ELL: variants seen among roughly 807,000 people sequenced by gnomAD.
ELL encodes RNA polymerase II elongation factor ELL.
In ELL, 18 loss-of-function variants were observed where a neutral mutation model predicts 64.0. The observed-to-expected ratio is 0.28, with a 90% CI of 0.19 to 0.42. The LOEUF is 0.42. Ranked by LOEUF, ELL falls within the 10% of genes least tolerant of loss-of-function variation. The pLI is 1.00. For synonymous variants in ELL, 399 were observed against 376.2 expected (o/e 1.06, Z -0.70); for missense variants, 797 against 870.4 (o/e 0.92, Z 1.06).
At chr19:18,453,790 C>G (rs1974592594) in intron 6 of ELL, among the ~76,000 whole-genome samples, 2 of 152,118 alleles carry the variant, frequency 1.3e-5, no homozygotes, top group Non-Finnish European at 2.9e-5. Context: ...AACTTGAGCC[C>G]AGGCTTGGGC....
At chr19:18,506,265 C>A (rs1053596474) in intron 1 of ELL, among the ~76,000 whole-genome samples, 7 of 152,230 alleles carry the variant, frequency 4.6e-5, no homozygotes, top group Non-Finnish European at 8.8e-5. Context: ...GTCTCCCGCA[C>A]CCTCCAGCGA....
intron 1 of ELL, among the ~76,000 whole-genome samples, chr19:18,506,589 G>A (rs1439260569): frequency 6.6e-6 from 1 of 152,178 alleles, no homozygotes; most frequent in African/African-American, 2.4e-5. Flanking sequence ...GCCAGGTGTG[G>A]TGCCACGCAC....
At chr19:18,485,181 A>C (rs1975383194) in intron 1 of ELL, among the ~76,000 whole-genome samples, 1 of 152,058 alleles carries the variant, frequency 6.6e-6, no homozygotes, top group Non-Finnish European at 1.5e-5. Flanking sequence ...CCCAAACCCC[A>C]TTCACCTCCA....
chr19:18,472,851 A>T lies in ELL; in HGVS notation c.167T>A (p.Phe56Tyr). 1 of 1,606,594 alleles carries T rather than the reference A, an allele frequency of 6.2e-7. No individual in the cohort carries two copies. ...AAAACTTACCCCTTGGCTTCCTTGA[A>T]ATCGGATAGATGGCCTCAGTGAAAC... is the stretch of plus-strand genomic sequence containing the variant. ...DSVSLRPSIR[F>Y]QGSQGHISIP... The change falls in exon 2 of 12, where the codon TTT (phenylalanine) becomes TAT (tyrosine). Residue 56 changes from phenylalanine (F) to tyrosine (Y), a missense_variant. Phe to Tyr is a conservative substitution (Grantham distance 22). Coordinates refer to ENST00000262809, the MANE Select transcript of ELL (RefSeq NM_006532.4).
intron 6 of ELL, among the ~76,000 whole-genome samples, chr19:18,457,147 C>G (rs1319723314): frequency 6.6e-6 from 1 of 152,198 alleles, no homozygotes; most frequent in Non-Finnish European, 1.5e-5. Context: ...CAAGCTCACT[C>G]AGCAGACGGA....
chr19:18,510,753 C>T (rs921392319), intron 1 of ELL, among the ~76,000 whole-genome samples: 53 of 152,190 alleles, frequency 3.5e-4, no homozygotes, highest in Non-Finnish European at 1.9e-4. Flanking sequence ...CCCTTGTGCA[C>T]GGCTGGTGGG....
intron 11 of ELL, 98 bp downstream of exon 11, chr19:18,445,126 C>T: frequency 1.3e-6 from 2 of 1,532,980 alleles, no homozygotes; most frequent in African/African-American, 1.4e-5. Context: ...TCCCCCACAC[C>T]TTGGAAGTAG....
chr19:18,449,397 C>A lies in ELL; in HGVS notation c.1465+1080G>T, dbSNP rs568326391. ...CCAGGGAGTAAGGCCACCTTCTCCCCGTCGGCCCCCACATGCAGTCCCACG... is the reference window on the plus strand; with the variant it reads ...CCAGGGAGTAAGGCCACCTTCTCCCAGTCGGCCCCCACATGCAGTCCCACG... On this transcript the variant is annotated intron_variant, in intron 8 of 11. Coordinates refer to ENST00000262809, the MANE Select transcript of ELL (RefSeq NM_006532.4). The surrounding 1 kb of genome is among the most constrained non-coding windows in gnomAD (Gnocchi z 4.4). Among the ~76,000 whole-genome samples, 6 of 152,214 alleles carry A rather than the reference C, an allele frequency of 3.9e-5. No homozygotes were observed. The East Asian group carries it at 9.7e-4, about 25-fold the overall frequency.
chr19:18,488,041 A>AT (rs1275142541), intron 1 of ELL, among the ~76,000 whole-genome samples: 1 of 152,158 alleles, frequency 6.6e-6, no homozygotes, highest in African/African-American at 2.4e-5. Context: ...CTGCCCAGTA[A>AT]TAACCTCAGC....
intron 1 of ELL, among the ~76,000 whole-genome samples, chr19:18,484,109 G>C (rs756125035): frequency 6.6e-6 from 1 of 152,212 alleles, no homozygotes; most frequent in African/African-American, 2.4e-5. Context: ...CCCCTCTAGC[G>C]CACTCTGCAG....
intron 4 of ELL, among the ~76,000 whole-genome samples, chr19:18,465,152 G>A (rs1329149360): frequency 6.6e-6 from 1 of 152,200 alleles, no homozygotes; most frequent in Non-Finnish European, 1.5e-5. Context: ...AGGCCCCTTT[G>A]TCCACCTCAG....
At chr19:18,446,945 G>C in intron 8 of ELL, 131 bp from the exon 9 acceptor site, 2 of 1,019,344 alleles carry the variant, frequency 2.0e-6, no homozygotes, top group Admixed American at 4.1e-5. Flanking sequence ...TAGCAGAGGG[G>C]ATGACTGTGT....
At chr19:18,521,869 C>A in intron 1 of ELL, 52 bp downstream of exon 1, 1 of 1,529,728 alleles carries the variant, frequency 6.5e-7, no homozygotes, top group Non-Finnish European at 8.8e-7. Flanking sequence ...AGCGCGAGGC[C>A]GGCCCGCGTC....
intron 2 of ELL, chr19:18,471,094 T>C (rs1057447915): frequency 1.2e-5 from 5 of 421,690 alleles, no homozygotes; most frequent in Admixed American, 2.9e-5. Context: ...AAAAAAAAGT[T>C]GGGTGCAGTG....
At chr19:18,490,455 C>T (rs1176227503) in intron 1 of ELL, among the ~76,000 whole-genome samples, 2 of 152,230 alleles carry the variant, frequency 1.3e-5, no homozygotes, top group Non-Finnish European at 2.9e-5. Context: ...CATTGTCCTC[C>T]CCGCAGCGGG....
intron 8 of ELL, among the ~76,000 whole-genome samples, chr19:18,448,959 T>C (rs1007552085): frequency 1.3e-5 from 2 of 152,156 alleles, no homozygotes; most frequent in African/African-American, 2.4e-5. Context: ...AGACATGCCC[T>C]GCACAAGTAC....
At chr19:18,468,969 T>A (rs1975007311) in intron 2 of ELL, among the ~76,000 whole-genome samples, 1 of 152,172 alleles carries the variant, frequency 6.6e-6, no homozygotes, top group African/African-American at 2.4e-5. Context: ...GGCTTCATAG[T>A]GGCCCTTCAC....
chr19:18,455,837 G>A (rs891033530), intron 6 of ELL, among the ~76,000 whole-genome samples: 1 of 152,132 alleles, frequency 6.6e-6, no homozygotes, highest in African/African-American at 2.4e-5. Context: ...GGTGGCTCAC[G>A]CCTGTAATCC....
At chr19:18,461,963 G>A in intron 4 of ELL, 111 bp from the exon 5 acceptor site, 3 of 1,360,860 alleles carry the variant, frequency 2.2e-6, no homozygotes, top group Non-Finnish European at 3.0e-6. Context: ...GCTGGTGGGA[G>A]GCACCACACC....
Sources: gnomAD v4.1 joint callset for allele counts (sites outside exome capture counted in the v4.1 genomes callset) on GRCh38, gnomAD v4.1.1 for gene constraint, Gnocchi (gnomAD v3.1) non-coding constraint, MANE v1.5 for transcripts, NCBI Gene and HGNC (gene_info 2026-07-23, HGNC 2026-07-21) for gene names.